PLSCR2: variants seen among roughly 807,000 people sequenced by gnomAD.
PLSCR2 encodes the protein phospholipid scramblase 2.
In PLSCR2, 18 loss-of-function variants were observed where a neutral mutation model predicts 25.3. The ratio of observed to expected loss-of-function variants is 0.71; its 90% CI spans 0.49 to 1.06. The LOEUF (loss-of-function observed/expected upper bound fraction) is 1.06, where lower values mean the gene tolerates loss of function less well. Ranked by LOEUF, PLSCR2 falls within the 50% of genes least tolerant of loss-of-function variation. PLSCR2 has a pLI of 0.00. For synonymous variants in PLSCR2, 88 were observed against 87.3 expected (o/e 1.01, Z -0.04); for missense variants, 243 against 269.5 (o/e 0.90, Z 0.69).
chr3:146,461,706 C>T (rs2041583071), upstream of PLSCR2: 1 of 580,658 alleles, frequency 1.7e-6, no homozygotes, highest in Admixed American at 2.8e-5. Flanking sequence ...TTAGCATGTT[C>T]GTGAGAGAGG....
chr3:146,433,616 C>A (rs2108137002), intron 8 of PLSCR2, 99 bp from the exon 8 acceptor site: 1 of 152,194 alleles, frequency 6.6e-6, no homozygotes, highest in South Asian at 2.1e-4. Context: ...CATCTGACTG[C>A]CATATTTGCA....
chr3:146,414,595 G>C (rs528953444), intron 2 of PLSCR2, among the ~76,000 whole-genome samples: 36 of 109,338 alleles, frequency 3.3e-4, no homozygotes, highest in South Asian at 2.2e-3. Flanking sequence ...GGCAATGATA[G>C]TATTTTTTTT....
intron 1 of PLSCR2, among the ~76,000 whole-genome samples, chr3:146,485,665 C>G (rs1216373523): frequency 1.3e-5 from 2 of 152,114 alleles, no homozygotes; most frequent in African/African-American, 4.8e-5. Flanking sequence ...AACCATACAG[C>G]TATCTGAAGA....
At chr3:146,462,822 T>C (rs996111334), upstream of PLSCR2, among the ~76,000 whole-genome samples, 1 of 152,142 alleles carries the variant, frequency 6.6e-6, no homozygotes, top group Non-Finnish European at 1.5e-5. Flanking sequence ...AGGAAAGCCA[T>C]GAAGAAATGC....
At chr3:146,409,067 C>A (rs1446386000) in intron 2 of PLSCR2, among the ~76,000 whole-genome samples, 1 of 152,096 alleles carries the variant, frequency 6.6e-6, no homozygotes, top group Non-Finnish European at 1.5e-5. Flanking sequence ...GGAGTACGGA[C>A]TCCATCAGAA....
intron 1 of PLSCR2, among the ~76,000 whole-genome samples, chr3:146,490,278 A>G (rs1228848150): frequency 6.6e-6 from 1 of 152,002 alleles, no homozygotes; most frequent in Non-Finnish European, 1.5e-5. Flanking sequence ...AGCAAAGCAA[A>G]CTCCATTAGC....
chr3:146,399,201 C>T (rs779423356), intron 2 of PLSCR2, among the ~76,000 whole-genome samples: 1 of 151,874 alleles, frequency 6.6e-6, no homozygotes, highest in Non-Finnish European at 1.5e-5. Flanking sequence ...CTGCTTATTA[C>T]TCAATATGCC....
downstream of PLSCR2, among the ~76,000 whole-genome samples, chr3:146,437,707 T>C (rs1011869387): frequency 8.5e-5 from 13 of 152,254 alleles, no homozygotes; most frequent in Middle Eastern, 3.4e-3. Context: ...ATTTTGTTGA[T>C]TTTTTCAAAA....
chr3:146,416,862 T>A (rs543902942), intron 2 of PLSCR2, among the ~76,000 whole-genome samples: 2 of 152,232 alleles, frequency 1.3e-5, no homozygotes, highest in African/African-American at 2.4e-5. Flanking sequence ...ACAGTCATGA[T>A]AAACTGAGTG....
intron 1 of PLSCR2, among the ~76,000 whole-genome samples, chr3:146,466,636 A>G (rs933387189): frequency 2.6e-5 from 4 of 152,210 alleles, no homozygotes; most frequent in African/African-American, 9.6e-5. Context: ...TTGCTTTATT[A>G]CTGCTCAAAA....
chr3:146,418,958 G>A (rs1366164699), intron 2 of PLSCR2, among the ~76,000 whole-genome samples: 1 of 152,132 alleles, frequency 6.6e-6, no homozygotes, highest in Non-Finnish European at 1.5e-5. Context: ...GCAAAAGGTT[G>A]TCCAGCCATT....
chr3:146,434,654 C>CA (rs1166023471), intron 8 of PLSCR2, among the ~76,000 whole-genome samples: 3 of 151,810 alleles, frequency 2.0e-5, no homozygotes, highest in African/African-American at 4.8e-5. Context: ...CAAATGGAAA[C>CA]AAATGATTTT....
exon 6 of PLSCR2, chr3:146,449,289 C>G (rs145426128): frequency 1.2e-6 from 2 of 1,611,038 alleles, no homozygotes; most frequent in Non-Finnish European, 1.7e-6. Flanking sequence ...TTGTCAGCAT[C>G]AGTAAATGCC....
intron 1 of PLSCR2, among the ~76,000 whole-genome samples, chr3:146,490,604 G>A (rs1380744077): frequency 6.6e-6 from 1 of 152,042 alleles, no homozygotes; most frequent in Non-Finnish European, 1.5e-5. Flanking sequence ...ACACTTTCTT[G>A]TTATGTAATG....
chr3:146,468,028 T>A (rs1026890940), intron 1 of PLSCR2, among the ~76,000 whole-genome samples: 1 of 152,244 alleles, frequency 6.6e-6, no homozygotes, highest in Non-Finnish European at 1.5e-5. Context: ...AGGCCAGAGC[T>A]TGGTTTGTCT....
chr3:146,407,552 G>A (rs565628205), intron 2 of PLSCR2, among the ~76,000 whole-genome samples: 13 of 152,144 alleles, frequency 8.5e-5, no homozygotes, highest in African/African-American at 1.9e-4. Context: ...GCACTGGAGA[G>A]CTGCTTGATC....
chr3:146,488,205 A>C (rs2043415795), intron 1 of PLSCR2, among the ~76,000 whole-genome samples: 1 of 152,156 alleles, frequency 6.6e-6, no homozygotes. Flanking sequence ...ACTTAAATGT[A>C]AAAACAAAAA....
chr3:146,432,199 T>C (rs2039573252), downstream of PLSCR2, among the ~76,000 whole-genome samples: 1 of 152,194 alleles, frequency 6.6e-6, no homozygotes, highest in Non-Finnish European at 1.5e-5. Flanking sequence ...ATTCAGGAAG[T>C]AATAATATCC....
chr3:146,408,472 A>G (rs1356396671), intron 2 of PLSCR2, among the ~76,000 whole-genome samples: 2 of 152,020 alleles, frequency 1.3e-5, no homozygotes, highest in Admixed American at 6.6e-5. Context: ...TGTCTTTTGA[A>G]TGCTTTATCA....
Sources: allele counts gnomAD v4.1 joint callset (sites outside exome capture counted in the v4.1 genomes callset), GRCh38; gene constraint gnomAD v4.1.1; transcripts MANE v1.5; gene names NCBI Gene and HGNC (gene_info 2026-07-23, HGNC 2026-07-21).